The following FGF12 variants were observed in gnomAD, a reference collection of about 807,000 sequenced individuals.
The protein encoded by FGF12 is fibroblast growth factor 12B.
A neutral mutation model predicts 23.6 loss-of-function variants in FGF12; 14 were observed. The observed-to-expected ratio is 0.59, with a 90% CI of 0.39 to 0.93. The LOEUF (loss-of-function observed/expected upper bound fraction) is 0.93. FGF12 is among the 40% of genes least tolerant of loss of function. The pLI is 0.00. For synonymous variants in FGF12, 62 were observed against 77.3 expected (o/e 0.80, Z 1.04); for missense variants, 175 against 217.8 (o/e 0.80, Z 1.24).
chr3:192,393,783 T>C (rs1362707960), intron 2 of FGF12, among the ~76,000 whole-genome samples: 1 of 152,212 alleles, frequency 6.6e-6, no homozygotes, highest in Non-Finnish European at 1.5e-5. Context: ...CTAATGAGCA[T>C]AAATTAATTT....
At chr3:192,634,138 C>CT (rs1478447170) in intron 2 of FGF12, among the ~76,000 whole-genome samples, 3 of 148,492 alleles carry the variant, frequency 2.0e-5, no homozygotes, top group African/African-American at 7.9e-5. Context: ...CTTTTTCTTT[C>CT]TTTTTTCCTT....
At chr3:192,549,897 G>C (rs943076633) in intron 2 of FGF12, among the ~76,000 whole-genome samples, 1 of 152,082 alleles carries the variant, frequency 6.6e-6, no homozygotes, top group Non-Finnish European at 1.5e-5. Context: ...TTCAGACTTG[G>C]ACAGAAGCTA....
chr3:192,414,515 ATTTATGTAACTC>A (rs1237560823), intron 2 of FGF12, among the ~76,000 whole-genome samples: 9 of 152,220 alleles, frequency 5.9e-5, no homozygotes, highest in Non-Finnish European at 1.0e-4. Context: ...GATCACATAC[ATTTATGTAACTC>A]TTTACTAATT....
intron 2 of FGF12, among the ~76,000 whole-genome samples, chr3:192,440,139 G>A (rs1722162051): frequency 6.6e-6 from 1 of 152,060 alleles, no homozygotes; most frequent in African/African-American, 2.4e-5. Context: ...GTGAAAGAGT[G>A]TAAAGGATAA....
intron 2 of FGF12, among the ~76,000 whole-genome samples, chr3:192,453,985 C>G (rs1298205557): frequency 1.3e-5 from 2 of 151,958 alleles, no homozygotes; most frequent in African/African-American, 4.8e-5. Context: ...TATTTCCTTT[C>G]TAATCAAAAT....
At chr3:192,419,292 G>C (rs1382918918) in intron 2 of FGF12, among the ~76,000 whole-genome samples, 1 of 152,124 alleles carries the variant, frequency 6.6e-6, no homozygotes, top group African/African-American at 2.4e-5. Flanking sequence ...TTTGTTCCTT[G>C]TTGATCATGA....
chr3:192,467,571 C>A (rs1042255167), intron 2 of FGF12, among the ~76,000 whole-genome samples: 2 of 152,176 alleles, frequency 1.3e-5, no homozygotes, highest in African/African-American at 4.8e-5. Context: ...AAGAAATATT[C>A]ACAGGTTGGC....
chr3:192,405,661 T>C (rs1363164463), intron 2 of FGF12, among the ~76,000 whole-genome samples: 1 of 138,562 alleles, frequency 7.2e-6, no homozygotes, highest in African/African-American at 2.5e-5. Context: ...CAGATTCGAA[T>C]AGTTTTTCTT....
At chr3:192,168,629 G>A (rs1021430151) in intron 5 of FGF12, among the ~76,000 whole-genome samples, 15 of 152,074 alleles carry the variant, frequency 9.9e-5, no homozygotes, top group African/African-American at 2.9e-4. Flanking sequence ...GTTCTCTGGC[G>A]CATATATTCT....
At chr3:192,146,271 T>C (rs1713699249) in intron 5 of FGF12, among the ~76,000 whole-genome samples, 1 of 55,786 alleles carries the variant, frequency 1.8e-5, no homozygotes, top group African/African-American at 4.8e-5. Flanking sequence ...TTAAAGTGTA[T>C]ATTTTTTTTT....
intron 4 of FGF12, among the ~76,000 whole-genome samples, chr3:192,270,316 G>A (rs969000630): frequency 6.6e-5 from 10 of 152,032 alleles, no homozygotes; most frequent in African/African-American, 2.2e-4. Context: ...CACCTTAGTT[G>A]GTAACTGTTA....
intron 4 of FGF12, among the ~76,000 whole-genome samples, chr3:192,229,166 T>A (rs6806165): frequency 0.1 from 15,074 of 144,840 alleles, 986 homozygotes; most frequent in African/African-American, 0.21. Flanking sequence ...GAATAAAATT[T>A]TAAAAAAAAA....
rs971989451 is a variant in FGF12, at chr3:192,140,479, C to T, written c.*3530G>A. ...TATGTTTTTAAAAAATTACTGGCAA[C>T]GTAGTCATACTTACTTCTTCACCAA... On this transcript the variant is annotated 3_prime_UTR_variant, in exon 6 of 6. Coordinates refer to ENST00000445105, the MANE Select transcript of FGF12 (RefSeq NM_004113.6). 1 of 151,956 alleles carries T rather than the reference C, an allele frequency of 6.6e-6. No homozygotes were observed. Among genetic ancestry groups the T allele is most frequent in the African/African-American group, 2.4e-5 (1 of 41,434 alleles). 9.4% of individuals were successfully genotyped at this position (151,956 alleles called of 1,614,324 possible).
At chr3:192,399,896 CTCTAT>C (rs1186746405) in intron 2 of FGF12, among the ~76,000 whole-genome samples, 3 of 152,198 alleles carry the variant, frequency 2.0e-5, no homozygotes, top group African/African-American at 7.2e-5. Flanking sequence ...GAAGAAAAGA[CTCTAT>C]AGAGTACAGT....
chr3:192,354,403 G>T (rs1718370998), intron 3 of FGF12, among the ~76,000 whole-genome samples: 1 of 150,896 alleles, frequency 6.6e-6, no homozygotes, highest in African/African-American at 2.4e-5. Flanking sequence ...AAATTGGAAA[G>T]AAAAGCTGAC....
At chr3:192,701,984 A>C (rs1451981475) in intron 2 of FGF12, among the ~76,000 whole-genome samples, 1 of 152,142 alleles carries the variant, frequency 6.6e-6, no homozygotes, top group African/African-American at 2.4e-5. Context: ...CATCCTACAT[A>C]ACTGAAACTT....
At chr3:192,190,213 C>G (rs80237090) in intron 4 of FGF12, among the ~76,000 whole-genome samples, 1 of 152,248 alleles carries the variant, frequency 6.6e-6, no homozygotes, top group East Asian at 1.9e-4. Flanking sequence ...TATAACAATA[C>G]ATCTTCCCAT....
intron 2 of FGF12, among the ~76,000 whole-genome samples, chr3:192,521,132 T>C (rs568741289): frequency 1.3e-5 from 2 of 152,376 alleles, no homozygotes; most frequent in African/African-American, 4.8e-5. Context: ...CAATATATGA[T>C]TGCCTATTTG....
intron 5 of FGF12, among the ~76,000 whole-genome samples, chr3:192,165,990 T>A (rs1560174791): frequency 6.6e-6 from 1 of 152,196 alleles, no homozygotes; most frequent in Non-Finnish European, 1.5e-5. Context: ...ATACGCAACC[T>A]GGCTAGCAAA....
Sources: allele counts gnomAD v4.1 joint callset (sites outside exome capture counted in the v4.1 genomes callset), GRCh38; gene constraint gnomAD v4.1.1; transcripts MANE v1.5; gene names NCBI Gene and HGNC (gene_info 2026-07-23, HGNC 2026-07-21).